The following MYO9A variants were observed in gnomAD, a reference collection of about 807,000 sequenced individuals.
The protein encoded by MYO9A is myosin IXA.
MYO9A carries 103 observed loss-of-function variants against 293.3 expected under a neutral mutation model. That is an observed-to-expected ratio of 0.35 (90% confidence interval 0.30 to 0.41). The LOEUF (loss-of-function observed/expected upper bound fraction) is 0.41, where lower values mean the gene tolerates loss of function less well. MYO9A is among the 10% of genes least tolerant of loss of function. The pLI is 1.00. For missense variants in MYO9A, 2,685 were observed against 3,033.0 expected, an observed-to-expected ratio of 0.89 and a Z score of 2.69; for synonymous variants, 1,001 against 1,035.7, an observed-to-expected ratio of 0.97 and a Z score of 0.64.
At chr15:71,834,570 G>C (rs1446043634) in intron 39 of MYO9A, among the ~76,000 whole-genome samples, 2 of 151,816 alleles carry the variant, frequency 1.3e-5, no homozygotes, top group African/African-American at 4.8e-5. Context: ...TCAGGAGTTT[G>C]AGACCAGCCT....
intron 20 of MYO9A, 33 bp downstream of exon 20, chr15:71,904,893 A>C (rs779771065): frequency 6.7e-7 from 1 of 1,498,702 alleles, no homozygotes; most frequent in East Asian, 2.3e-5. Flanking sequence ...AAGTAAGCTG[A>C]GATATGTGCT....
At chr15:71,983,466 ATT>A (rs1217052840) in intron 11 of MYO9A, among the ~76,000 whole-genome samples, 1 of 84,582 alleles carries the variant, frequency 1.2e-5, no homozygotes. Context: ...TATTTTTTTT[ATT>A]TCTTTTTTTT....
intron 39 of MYO9A, among the ~76,000 whole-genome samples, chr15:71,840,904 T>C (rs2055133672): frequency 6.6e-6 from 1 of 152,274 alleles, no homozygotes; most frequent in Non-Finnish European, 1.5e-5. Flanking sequence ...GTGCTGCGAT[T>C]ACAGGCGTGA....
chr15:71,901,965 G>C (rs1365135312), intron 22 of MYO9A, among the ~76,000 whole-genome samples: 1 of 152,122 alleles, frequency 6.6e-6, no homozygotes, highest in Non-Finnish European at 1.5e-5. Context: ...TTATTAATAA[G>C]TTTATTTTAT....
chr15:72,061,248 C>T (rs1316619032), intron 1 of MYO9A, among the ~76,000 whole-genome samples: 1 of 152,162 alleles, frequency 6.6e-6, no homozygotes. Context: ...CAGATGTAAC[C>T]CAGTGCACTC....
In MYO9A at chr15:72,046,607, C is replaced by T. The variant is rs182410579; in HGVS notation, c.-44G>A. The T allele has an allele frequency of 9.4e-5, 137 of 1,463,804 alleles. No individual in the cohort carries two copies. Among genetic ancestry groups the T allele is most frequent in the Non-Finnish European group, 1.2e-4 (130 of 1,105,574 alleles). The allele number at this position is 1,463,804 out of a possible 1,614,324, so 90.7% of individuals were successfully genotyped here. ...AGCATGGATAGTATATGTTCAAAGTCGTGCAAACCATTTTCTTGGTAAAAT... is the reference window on the plus strand; with the variant it reads ...AGCATGGATAGTATATGTTCAAAGTTGTGCAAACCATTTTCTTGGTAAAAT... On this transcript the variant is annotated 5_prime_UTR_variant, in exon 2 of 42. Coordinates refer to ENST00000356056, the MANE Select transcript of MYO9A (RefSeq NM_006901.4).
chr15:71,927,786 G>C lies in MYO9A; in HGVS notation c.2562+5884C>G, dbSNP rs554532977. On this transcript the variant is annotated intron_variant, in intron 18 of 41. Coordinates refer to ENST00000356056, the MANE Select transcript of MYO9A (RefSeq NM_006901.4). ...TTTAAGTCTTTAACCTACTTGGTTG[G>C]ATTTTTTATGTGGGGTGAGATATGG... Among the ~76,000 whole-genome samples the C allele has an allele frequency of 5.1e-4, 77 of 151,340 alleles. 1 individual carries two copies. Among genetic ancestry groups the C allele is most frequent in the African/African-American group, 1.4e-3 (58 of 41,292 alleles).
chr15:72,114,053 G>A (rs571238540), intron 1 of MYO9A, among the ~76,000 whole-genome samples: 10 of 152,292 alleles, frequency 6.6e-5, no homozygotes, highest in South Asian at 2.1e-4. Flanking sequence ...TAACAATGGA[G>A]CACTGGAGTG....
intron 4 of MYO9A, among the ~76,000 whole-genome samples, chr15:72,023,571 T>A (rs1481063068): frequency 6.6e-6 from 1 of 151,852 alleles, no homozygotes. Context: ...GGCAGGCACC[T>A]GTAATCCTAG....
intron 30 of MYO9A, among the ~76,000 whole-genome samples, chr15:71,878,770 G>C (rs1339408499): frequency 8.3e-6 from 1 of 120,484 alleles, no homozygotes; most frequent in Non-Finnish European, 1.6e-5. Context: ...TTTTTTAGAC[G>C]GAGTCTTGCT....
intron 1 of MYO9A, among the ~76,000 whole-genome samples, chr15:72,086,951 A>G (rs1054010038): frequency 3.3e-5 from 5 of 152,120 alleles, no homozygotes; most frequent in Non-Finnish European, 5.9e-5. Flanking sequence ...TTTTTAGTAC[A>G]GACGGGATTT....
chr15:71,899,653 GA>G (rs769600481), intron 24 of MYO9A, 33 bp downstream of exon 24: 41 of 1,549,758 alleles, frequency 2.6e-5, no homozygotes, highest in Non-Finnish European at 3.5e-5. Context: ...TTGGGAAGAA[GA>G]AAAAAAGCAA....
intron 34 of MYO9A, among the ~76,000 whole-genome samples, chr15:71,858,083 C>A (rs1317723965): frequency 6.6e-6 from 1 of 152,292 alleles, no homozygotes; most frequent in South Asian, 2.1e-4. Flanking sequence ...GCTGGAATGG[C>A]GATCATTAAA....
intron 36 of MYO9A, 77 bp from the exon 37 acceptor site, chr15:71,851,435 G>T: frequency 8.8e-7 from 1 of 1,141,384 alleles, no homozygotes; most frequent in Non-Finnish European, 1.3e-6. Flanking sequence ...ACACTATGAA[G>T]CAAAGAAGGC....
At chr15:71,949,663 T>A (rs1167661422) in intron 15 of MYO9A, among the ~76,000 whole-genome samples, 1 of 151,874 alleles carries the variant, frequency 6.6e-6, no homozygotes, top group Non-Finnish European at 1.5e-5. Flanking sequence ...TTCCACTTTT[T>A]TTTTTTTTTT....
chr15:71,926,678 G>A (rs1228191778), intron 18 of MYO9A, among the ~76,000 whole-genome samples: 1 of 152,224 alleles, frequency 6.6e-6, no homozygotes, highest in African/African-American at 2.4e-5. Flanking sequence ...CTGTACTCCA[G>A]CCTGGGTGAC....
intron 11 of MYO9A, among the ~76,000 whole-genome samples, chr15:71,990,380 C>A (rs1257765483): frequency 6.6e-6 from 1 of 152,110 alleles, no homozygotes; most frequent in African/African-American, 2.4e-5. Context: ...CCACCATGCC[C>A]AGCCAGCAAA....
chr15:72,092,259 G>A (rs1169953267), intron 1 of MYO9A, among the ~76,000 whole-genome samples: 4 of 152,142 alleles, frequency 2.6e-5, no homozygotes, highest in Non-Finnish European at 5.9e-5. Flanking sequence ...CCAGTAAAAT[G>A]AACAAAAGTA....
At chr15:72,099,436 A>AG (rs2080186526) in intron 1 of MYO9A, among the ~76,000 whole-genome samples, 2 of 150,306 alleles carry the variant, frequency 1.3e-5, no homozygotes, top group African/African-American at 4.9e-5. Flanking sequence ...AAAAAAAAAA[A>AG]AAAAAAGAAA....
Sources: gnomAD v4.1 joint callset for allele counts (sites outside exome capture counted in the v4.1 genomes callset) on GRCh38, gnomAD v4.1.1 for gene constraint, MANE v1.5 for transcripts, NCBI Gene and HGNC (gene_info 2026-07-23, HGNC 2026-07-21) for gene names.